The following HECW2 variants were observed in gnomAD, a reference collection of about 807,000 sequenced individuals.
HECW2 encodes HECT, C2 and WW domain containing E3 ubiquitin protein ligase 2.
In HECW2, 61 loss-of-function variants were observed where a neutral mutation model predicts 175.2. The ratio of observed to expected loss-of-function variants is 0.35; its 90% CI spans 0.28 to 0.43. The LOEUF is 0.43. Ranked by LOEUF, HECW2 falls within the 20% of genes least tolerant of loss-of-function variation. The pLI is 1.00. For synonymous variants in HECW2, 671 were observed against 731.0 expected, an observed-to-expected ratio of 0.92 and a Z score of 1.32; for missense variants, 1,524 against 2,000.5, an observed-to-expected ratio of 0.76 and a Z score of 4.54.
chr2:196,342,421 AAAG>A (rs1692790820), intron 3 of HECW2, among the ~76,000 whole-genome samples: 1 of 151,866 alleles, frequency 6.6e-6, no homozygotes, highest in Admixed American at 6.6e-5. Flanking sequence ...AAAAAAAAAA[AAAG>A]AAAGAAAGAA....
chr2:196,406,389 T>C (rs768130657), intron 2 of HECW2, among the ~76,000 whole-genome samples: 5 of 152,180 alleles, frequency 3.3e-5, no homozygotes, highest in Non-Finnish European at 5.9e-5. Context: ...CTTTATACCA[T>C]CTTCAGTGAT....
chr2:196,426,757 C>T (rs2125256325), intron 2 of HECW2, among the ~76,000 whole-genome samples: 1 of 152,182 alleles, frequency 6.6e-6, no homozygotes, highest in African/African-American at 2.4e-5. Flanking sequence ...CTTGACTCTT[C>T]CCCCAACAAG....
intron 2 of HECW2, among the ~76,000 whole-genome samples, chr2:196,393,480 A>G (rs1349002672): frequency 1.3e-5 from 2 of 152,226 alleles, no homozygotes; most frequent in Admixed American, 1.3e-4. Flanking sequence ...AACCCCATCA[A>G]CAAGTGGGCA....
intron 15 of HECW2, among the ~76,000 whole-genome samples, chr2:196,276,886 G>T (rs140832320): frequency 1.5e-3 from 224 of 152,234 alleles, no homozygotes; most frequent in African/African-American, 4.9e-3. Context: ...GAATTTTGAT[G>T]AATCAGATCC....
intron 2 of HECW2, among the ~76,000 whole-genome samples, chr2:196,406,948 T>C (rs796381568): frequency 6.6e-6 from 1 of 152,346 alleles, no homozygotes; most frequent in African/African-American, 2.4e-5. Context: ...ATCTGACATT[T>C]TTCTTGTGTA....
intron 16 of HECW2, among the ~76,000 whole-genome samples, chr2:196,272,936 C>G (rs1437665649): frequency 6.6e-6 from 1 of 151,338 alleles, no homozygotes; most frequent in Non-Finnish European, 1.5e-5. Flanking sequence ...TACATTTCTT[C>G]TTATCCAGAG....
intron 1 of HECW2, among the ~76,000 whole-genome samples, chr2:196,460,903 G>A (rs555693284): frequency 6.6e-6 from 1 of 150,674 alleles, no homozygotes; most frequent in Non-Finnish European, 1.5e-5. Context: ...AGGATTACAG[G>A]TGTGAGCCAC....
At chr2:196,268,596 C>T (rs7588079) in intron 17 of HECW2, among the ~76,000 whole-genome samples, 6,261 of 152,256 alleles carry the variant, frequency 0.041, 422 homozygotes, top group African/African-American at 0.14. Context: ...TAGATTAGAT[C>T]ACCTAATCTC....
At chr2:196,496,203 T>C (rs532651252) in intron 1 of HECW2, among the ~76,000 whole-genome samples, 1 of 151,988 alleles carries the variant, frequency 6.6e-6, no homozygotes, top group East Asian at 1.9e-4. Context: ...AACTTTACCT[T>C]TGTATGTGTG....
intron 1 of HECW2, among the ~76,000 whole-genome samples, chr2:196,526,309 G>T (rs1451635336): frequency 7.6e-6 from 1 of 132,204 alleles, no homozygotes; most frequent in Admixed American, 7.8e-5. Flanking sequence ...TAGTTCTCGA[G>T]CCTTGGTTTT....
In HECW2 at chr2:196,290,353, T is replaced by C. The variant is rs536532865; in HGVS notation, c.3000+2212A>G. Reference sequence around the variant, plus strand: ...AGAATACATTACAACTCTTCTTCAATAGTATCCTATATGTAATTGAAACTT... The same window carrying C: ...AGAATACATTACAACTCTTCTTCAACAGTATCCTATATGTAATTGAAACTT... On this transcript the variant is annotated intron_variant, in intron 14 of 28. Coordinates refer to ENST00000644978, the MANE Select transcript of HECW2 (RefSeq NM_001348768.2). 1.1e-4 allele frequency: 17 copies of C among 152,328 alleles called. No homozygotes were observed. The South Asian group carries it at 3.3e-3, about 30-fold the overall frequency. The allele number at this position is 152,328 out of a possible 1,614,324, so 9.4% of individuals were successfully genotyped here.
intron 2 of HECW2, among the ~76,000 whole-genome samples, chr2:196,386,258 G>C (rs948604934): frequency 6.6e-6 from 1 of 152,196 alleles, no homozygotes; most frequent in African/African-American, 2.4e-5. Context: ...ATAGTGTATA[G>C]GATGGTTATA....
chr2:196,334,651 G>T (rs928605197), intron 3 of HECW2, 133 bp from the exon 4 acceptor site: 2 of 674,704 alleles, frequency 3.0e-6, no homozygotes, highest in Non-Finnish European at 5.2e-6. Flanking sequence ...TTTCCACTCA[G>T]CGCCAACAAA....
At chr2:196,284,995 C>A (rs1419919742) in intron 14 of HECW2, among the ~76,000 whole-genome samples, 1 of 152,120 alleles carries the variant, frequency 6.6e-6, no homozygotes, top group East Asian at 1.9e-4. Flanking sequence ...ACTAACAACT[C>A]AAAAACTGAA....
At chr2:196,405,369 C>T (rs558257270) in intron 2 of HECW2, among the ~76,000 whole-genome samples, 9 of 152,282 alleles carry the variant, frequency 5.9e-5, no homozygotes, top group Admixed American at 4.6e-4. Flanking sequence ...GCTCTACATA[C>T]GTGTTTCCTC....
intron 13 of HECW2, among the ~76,000 whole-genome samples, chr2:196,300,527 G>T (rs1041271305): frequency 8.5e-5 from 13 of 152,144 alleles, no homozygotes; most frequent in Non-Finnish European, 1.9e-4. Flanking sequence ...GTCTTTACTT[G>T]TTAATGCAAA....
chr2:196,544,291 C>A (rs1048641813), intron 1 of HECW2, among the ~76,000 whole-genome samples: 10 of 152,180 alleles, frequency 6.6e-5, no homozygotes, highest in African/African-American at 2.2e-4. Flanking sequence ...CTCAAGCTGG[C>A]TTCCCTCCCT....
intron 28 of HECW2, among the ~76,000 whole-genome samples, chr2:196,202,177 T>A (rs761097190): frequency 4.6e-5 from 7 of 152,170 alleles, no homozygotes; most frequent in Non-Finnish European, 8.8e-5. Flanking sequence ...CATTCTATTC[T>A]GAATGTACAA....
intron 2 of HECW2, among the ~76,000 whole-genome samples, chr2:196,419,760 T>C (rs887763954): frequency 6.6e-6 from 1 of 152,240 alleles, no homozygotes; most frequent in Non-Finnish European, 1.5e-5. Flanking sequence ...AAATGTTATC[T>C]TGTTCCACCT....
Sources: gnomAD v4.1 joint callset for allele counts (sites outside exome capture counted in the v4.1 genomes callset) on GRCh38, gnomAD v4.1.1 for gene constraint, MANE v1.5 for transcripts, NCBI Gene and HGNC (gene_info 2026-07-23, HGNC 2026-07-21) for gene names.